SYT1: variants seen among roughly 807,000 people sequenced by gnomAD.
SYT1 encodes synaptotagmin 1.
SYT1 carries 8 observed loss-of-function variants against 44.8 expected under a neutral mutation model. That is an observed-to-expected ratio of 0.18 (90% CI 0.10 to 0.32). SYT1 has a LOEUF of 0.32. Among genes scored for constraint, SYT1 ranks in the 10% least tolerant of loss-of-function variants. SYT1 has a pLI of 1.00. For missense variants in SYT1, 286 were observed against 509.3 expected (o/e 0.56, Z 4.22); for synonymous variants, 154 against 188.8 (o/e 0.82, Z 1.51).
intron 2 of SYT1, among the ~76,000 whole-genome samples, chr12:78,998,190 T>G (rs1870502777): frequency 6.6e-6 from 1 of 152,206 alleles, no homozygotes; most frequent in Admixed American, 6.5e-5. Context: ...TAATTTTATT[T>G]CATTTGCCTA....
chr12:79,103,252 A>G (rs1878535631), intron 3 of SYT1, among the ~76,000 whole-genome samples: 2 of 152,196 alleles, frequency 1.3e-5, no homozygotes, highest in South Asian at 4.1e-4. Flanking sequence ...TAATATAAAA[A>G]TCATCCCTAA....
At chr12:79,402,694 T>A (rs1885113591) in intron 9 of SYT1, among the ~76,000 whole-genome samples, 1 of 152,148 alleles carries the variant, frequency 6.6e-6, no homozygotes, top group Non-Finnish European at 1.5e-5. Flanking sequence ...TGAAAGCTCA[T>A]TAAATCCTCA....
chr12:79,086,424 C>T (rs376729581), intron 3 of SYT1, among the ~76,000 whole-genome samples: 1 of 152,200 alleles, frequency 6.6e-6, no homozygotes, highest in Non-Finnish European at 1.5e-5. Context: ...TCTCAGAACA[C>T]GGTGACGAAA....
At chr12:79,011,870 G>A (rs930054187) in intron 2 of SYT1, among the ~76,000 whole-genome samples, 4 of 152,040 alleles carry the variant, frequency 2.6e-5, no homozygotes, top group African/African-American at 7.2e-5. Context: ...GGTGGCTCAC[G>A]CCTGTAATCC....
intron 3 of SYT1, among the ~76,000 whole-genome samples, chr12:79,050,868 T>TA (rs1455005917): frequency 6.6e-6 from 1 of 152,160 alleles, no homozygotes; most frequent in Admixed American, 6.6e-5. Context: ...AGTCCTGCAA[T>TA]AAAAAAGCAT....
At chr12:78,885,451 CA>C (rs754166004) in intron 1 of SYT1, among the ~76,000 whole-genome samples, 2 of 151,190 alleles carry the variant, frequency 1.3e-5, no homozygotes, top group South Asian at 2.1e-4. Context: ...TGATTGCTAT[CA>C]AAAAAATAAA....
chr12:79,414,288 T>C (rs1868601645), intron 9 of SYT1, among the ~76,000 whole-genome samples: 1 of 152,134 alleles, frequency 6.6e-6, no homozygotes, highest in African/African-American at 2.4e-5. Context: ...GGAAGACAAG[T>C]ATTTTGGTGA....
chr12:78,987,903 C>G (rs908008902), intron 2 of SYT1, among the ~76,000 whole-genome samples: 1 of 152,064 alleles, frequency 6.6e-6, no homozygotes, highest in African/African-American at 2.4e-5. Flanking sequence ...AGACCAGTAT[C>G]TCTCATGAAT....
chr12:79,032,243 T>G (rs533958826), intron 2 of SYT1, among the ~76,000 whole-genome samples: 12 of 151,186 alleles, frequency 7.9e-5, no homozygotes, highest in Non-Finnish European at 1.8e-4. Context: ...ATGTGCTAGG[T>G]ACTGTGAACT....
At position 79,224,795 on chromosome 12, in the gene SYT1, T is replaced by C. The variant is rs940077512; in HGVS notation, c.166+7110T>C. On this transcript the variant is annotated intron_variant, in intron 4 of 10. Coordinates refer to ENST00000261205, the MANE Select transcript of SYT1 (RefSeq NM_005639.3). ...TTATTATTATTATTATTATTATTAT[T>C]AGAGACAGAGTTTCACTCTTGTTAC... 2.7e-5 allele frequency among the ~76,000 whole-genome samples: 4 copies of C among 146,064 alleles called. No individual in the cohort carries two copies. In the East Asian group the frequency reaches 8.0e-4, roughly 29 times the overall value.
At chr12:79,144,749 T>TC (rs1869773393) in intron 3 of SYT1, among the ~76,000 whole-genome samples, 3 of 152,218 alleles carry the variant, frequency 2.0e-5, no homozygotes, top group Admixed American at 6.5e-5. Flanking sequence ...TAATAAGCTT[T>TC]CACTTTAAAT....
intron 9 of SYT1, among the ~76,000 whole-genome samples, chr12:79,423,062 A>G (rs1214092608): frequency 6.6e-6 from 1 of 152,152 alleles, no homozygotes; most frequent in African/African-American, 2.4e-5. Context: ...TGAGGTCTTG[A>G]GAGTTCAGTA....
chr12:78,901,828 A>G (rs1182492418), intron 1 of SYT1, among the ~76,000 whole-genome samples: 1 of 152,242 alleles, frequency 6.6e-6, no homozygotes, highest in Non-Finnish European at 1.5e-5. Flanking sequence ...CTCTTAATGG[A>G]TGAAATGTGG....
chr12:79,209,746 A>T (rs990480144), intron 3 of SYT1, among the ~76,000 whole-genome samples: 12 of 152,168 alleles, frequency 7.9e-5, no homozygotes, highest in African/African-American at 2.9e-4. Context: ...AACTGAATAG[A>T]CCTGGCCCTC....
chr12:79,182,932 G>A (rs1872621777), intron 3 of SYT1, among the ~76,000 whole-genome samples: 1 of 152,024 alleles, frequency 6.6e-6, no homozygotes, highest in South Asian at 2.1e-4. Context: ...TATTGTTATA[G>A]CTTCATTTGA....
At chr12:78,986,279 G>A (rs1869634999) in intron 2 of SYT1, among the ~76,000 whole-genome samples, 1 of 151,712 alleles carries the variant, frequency 6.6e-6, no homozygotes, top group Non-Finnish European at 1.5e-5. Context: ...TTTTCTTTTT[G>A]TATATCTCTG....
intron 1 of SYT1, among the ~76,000 whole-genome samples, chr12:78,893,179 G>A (rs1160499605): frequency 1.3e-5 from 2 of 151,684 alleles, no homozygotes; most frequent in Admixed American, 6.6e-5. Context: ...AATATTAAGA[G>A]CAACCATGAC....
chr12:79,327,944 A>G (rs962337304), intron 8 of SYT1, among the ~76,000 whole-genome samples: 5 of 152,224 alleles, frequency 3.3e-5, no homozygotes, highest in African/African-American at 1.2e-4. Context: ...CGTGAGGGGT[A>G]AGCCAGAAAA....
intron 3 of SYT1, among the ~76,000 whole-genome samples, chr12:79,181,605 G>C (rs978337540): frequency 2.0e-5 from 3 of 151,820 alleles, no homozygotes; most frequent in African/African-American, 7.3e-5. Flanking sequence ...CCTATGATCT[G>C]ATTTCTCAGT....
Sources: gnomAD v4.1 joint callset for allele counts (sites outside exome capture counted in the v4.1 genomes callset) on GRCh38, gnomAD v4.1.1 for gene constraint, MANE v1.5 for transcripts, NCBI Gene and HGNC (gene_info 2026-07-23, HGNC 2026-07-21) for gene names.